Variants in XKR9 observed in about 807,000 individuals in gnomAD.
The protein encoded by XKR9 is XK related 9, also known as XK-related protein 9.
Under a neutral mutation model 32.0 loss-of-function variants are expected in XKR9, and 32 were observed. That is an observed-to-expected ratio of 1.00 (90% confidence interval 0.76 to 1.34). XKR9 has a LOEUF of 1.34. Among genes scored for constraint, XKR9 ranks in the 40% most tolerant of loss-of-function variants. XKR9 has a pLI of 0.00. For missense variants in XKR9, 546 were observed against 429.7 expected, an observed-to-expected ratio of 1.27 and a Z score of -2.39; for synonymous variants, 168 against 143.4, an observed-to-expected ratio of 1.17 and a Z score of -1.22.
the XKR9 span, among the ~76,000 whole-genome samples, chr8:70,917,732 G>A: frequency 5.3e-5 from 8 of 152,318 alleles, no homozygotes; most frequent in Middle Eastern, 6.8e-3. Flanking sequence ...AGTTATGCAT[G>A]TGAGTTTTAA....
chr8:70,797,211 G>A, the XKR9 span, among the ~76,000 whole-genome samples: 28 of 152,184 alleles, frequency 1.8e-4, no homozygotes, highest in East Asian at 3.9e-3. Context: ...AGGGGTGTGC[G>A]CACACACACA....
intron 3 of XKR9, chr8:70,789,940 A>G (rs547700768): frequency 6.6e-6 from 1 of 151,236 alleles, no homozygotes; most frequent in East Asian, 2.0e-4. Flanking sequence ...TGCATTCACC[A>G]CCCCAATTTT....
At chr8:70,733,578 C>A (rs191340163) in intron 4 of XKR9, among the ~76,000 whole-genome samples, 2 of 152,152 alleles carry the variant, frequency 1.3e-5, no homozygotes, top group Admixed American at 1.3e-4. Context: ...CTCAGTTCTG[C>A]AACTTACTAG....
the XKR9 span, among the ~76,000 whole-genome samples, chr8:70,981,614 A>AATTGACC: frequency 6.6e-6 from 1 of 152,170 alleles, no homozygotes; most frequent in East Asian, 1.9e-4. Flanking sequence ...TTAGCTTAAT[A>AATTGACC]ATTGACCTTC....
chr8:70,932,930 G>A, the XKR9 span, among the ~76,000 whole-genome samples: 1 of 152,080 alleles, frequency 6.6e-6, no homozygotes, highest in Non-Finnish European at 1.5e-5. Flanking sequence ...GGCTGTGAAC[G>A]GACCCTAGCT....
the XKR9 span, among the ~76,000 whole-genome samples, chr8:70,844,363 A>T: frequency 6.6e-6 from 1 of 152,086 alleles, no homozygotes; most frequent in Admixed American, 6.5e-5. Flanking sequence ...GCCACCGCTG[A>T]AGGCCAAAGC....
At chr8:70,816,677 A>G in the XKR9 span, among the ~76,000 whole-genome samples, 1 of 152,216 alleles carries the variant, frequency 6.6e-6, no homozygotes, top group South Asian at 2.1e-4. Context: ...CTAACAGTGG[A>G]CTTCTCAACA....
chr8:70,719,386 A>G (rs940873778), intron 4 of XKR9, among the ~76,000 whole-genome samples: 2 of 152,086 alleles, frequency 1.3e-5, no homozygotes, highest in Admixed American at 6.5e-5. Flanking sequence ...GCCCATGCCT[A>G]TGTCCTGAAT....
the XKR9 span, among the ~76,000 whole-genome samples, chr8:70,899,446 T>A: frequency 6.6e-6 from 1 of 151,144 alleles, no homozygotes; most frequent in East Asian, 1.9e-4. Context: ...TTTTTTTTTT[T>A]AAGAGAGATT....
At chr8:70,919,052 C>T in the XKR9 span, among the ~76,000 whole-genome samples, 1 of 152,018 alleles carries the variant, frequency 6.6e-6, no homozygotes, top group East Asian at 1.9e-4. Context: ...GCTGGGATTA[C>T]AGGCGTGAGC....
chr8:70,727,435 C>G (rs1046231246), intron 4 of XKR9, among the ~76,000 whole-genome samples: 1 of 151,438 alleles, frequency 6.6e-6, no homozygotes, highest in Admixed American at 6.6e-5. Context: ...GAGTCTCGCT[C>G]TGTCACCCAG....
the XKR9 span, among the ~76,000 whole-genome samples, chr8:70,849,076 C>T: frequency 7.9e-5 from 12 of 152,300 alleles, no homozygotes; most frequent in African/African-American, 2.9e-4. Flanking sequence ...GACCTGAACT[C>T]AGCTCTGCAC....
At chr8:70,997,436 A>T in the XKR9 span, among the ~76,000 whole-genome samples, 2 of 152,214 alleles carry the variant, frequency 1.3e-5, no homozygotes, top group East Asian at 1.9e-4. Context: ...CTTGGTCATA[A>T]AAAGGAACAA....
At chr8:70,745,806 T>C (rs1278923676) in intron 2 of XKR9, among the ~76,000 whole-genome samples, 1 of 152,224 alleles carries the variant, frequency 6.6e-6, no homozygotes, top group Non-Finnish European at 1.5e-5. Context: ...AAGCCAAACA[T>C]TAATTTCTTG....
rs1386903685 is a variant in XKR9, at chr8:70,684,648, G to GA, written c.272+3325dup. 3.3e-5 allele frequency among the ~76,000 whole-genome samples: 5 copies of GA among 150,190 alleles called. No individual in the cohort carries two copies. In the South Asian group the frequency reaches 8.5e-4, roughly 26 times the overall value. ...ACAATGAACTCAAACAAATTTACAAGAAAAAAACAAACAACCCCATCAAAA... is the reference window on the plus strand; with the variant it reads ...ACAATGAACTCAAACAAATTTACAAGAAAAAAAACAAACAACCCCATCAAAA... On this transcript the variant is annotated intron_variant, in intron 3 of 4. Transcript: ENST00000408926.
At chr8:71,009,371 A>G in the XKR9 span, among the ~76,000 whole-genome samples, 3 of 149,850 alleles carry the variant, frequency 2.0e-5, no homozygotes, top group Non-Finnish European at 4.5e-5. Flanking sequence ...CATTAGTATT[A>G]GTGTATTTTA....
chr8:70,935,521 C>T, the XKR9 span, among the ~76,000 whole-genome samples: 3 of 151,908 alleles, frequency 2.0e-5, no homozygotes, highest in Non-Finnish European at 4.4e-5. Context: ...ATTTCCCCCT[C>T]GTATTTGCTG....
At chr8:70,799,276 G>A in the XKR9 span, among the ~76,000 whole-genome samples, 1 of 151,984 alleles carries the variant, frequency 6.6e-6, no homozygotes, top group Non-Finnish European at 1.5e-5. Context: ...CTTTTTATTA[G>A]CTGTATTCCT....
At chr8:70,677,626 T>C (rs951363020) in intron 2 of XKR9, among the ~76,000 whole-genome samples, 1 of 152,228 alleles carries the variant, frequency 6.6e-6, no homozygotes, top group South Asian at 2.1e-4. Flanking sequence ...TTTTCTGTTT[T>C]CTCTTCAGAT....
Sources: allele counts gnomAD v4.1 joint callset (sites outside exome capture counted in the v4.1 genomes callset), GRCh38; gene constraint gnomAD v4.1.1; transcripts MANE v1.5; gene names NCBI Gene and HGNC (gene_info 2026-07-23, HGNC 2026-07-21).